Variants in ULK4 observed in about 807,000 individuals in gnomAD.
ULK4 encodes the protein inactive serine/threonine-protein kinase ULK4.
ULK4 carries 133 observed loss-of-function variants against 160.6 expected under a neutral mutation model. That is an observed-to-expected ratio of 0.83 (90% CI 0.72 to 0.96). ULK4 has a LOEUF of 0.96. Ranked by LOEUF, ULK4 falls within the 40% of genes least tolerant of loss-of-function variation. ULK4 has a pLI of 0.00. For synonymous variants in ULK4, 534 were observed against 539.8 expected (o/e 0.99, Z 0.15); for missense variants, 1,580 against 1,499.5 (o/e 1.05, Z -0.89).
chr3:41,605,448 T>TG, intron 31 of ULK4, among the ~76,000 whole-genome samples: 1 of 151,930 alleles, frequency 6.6e-6, no homozygotes, highest in Non-Finnish European at 1.5e-5. Flanking sequence ...AAAGCTGCAG[T>TG]GGTGATATTA....
chr3:41,368,344 C>G (rs952031652), intron 35 of ULK4, among the ~76,000 whole-genome samples: 7 of 152,130 alleles, frequency 4.6e-5, no homozygotes, highest in African/African-American at 1.4e-4. Flanking sequence ...CCACCAAGCC[C>G]GGCCTGTGTT....
chr3:41,477,747 G>A (rs2084187641), intron 32 of ULK4, among the ~76,000 whole-genome samples: 1 of 152,152 alleles, frequency 6.6e-6, no homozygotes, highest in Admixed American at 6.5e-5. Context: ...GTGAACTGTG[G>A]GGTCGCCATG....
intron 19 of ULK4, among the ~76,000 whole-genome samples, chr3:41,817,399 A>T (rs1353287026): frequency 6.6e-6 from 1 of 152,238 alleles, no homozygotes; most frequent in Non-Finnish European, 1.5e-5. Context: ...ATGTGGACAA[A>T]GAAAATGTAG....
intron 22 of ULK4, among the ~76,000 whole-genome samples, chr3:41,750,187 G>T (rs368268922): frequency 6.6e-6 from 1 of 152,248 alleles, no homozygotes; most frequent in Middle Eastern, 3.4e-3. Flanking sequence ...TTTAATAAAC[G>T]GGCACTGCCT....
At chr3:41,279,255 T>TAAAAAAAAAAAAAAAAAAAAAAAAAG (rs771175184) in intron 35 of ULK4, among the ~76,000 whole-genome samples, 2 of 43,054 alleles carry the variant, frequency 4.6e-5, no homozygotes, top group African/African-American at 2.5e-4. Context: ...AAAAAAAGAG[T>TAAAAAAAAAAAAAAAAAAAAAAAAAG]AAAAAAAAAA....
intron 32 of ULK4, among the ~76,000 whole-genome samples, chr3:41,472,443 C>T (rs1002541864): frequency 7.3e-4 from 111 of 152,022 alleles, no homozygotes; most frequent in African/African-American, 2.6e-3. Context: ...GTGGTGCATG[C>T]CTGTAATGCC....
chr3:41,811,117 C>T (rs1048040185), intron 19 of ULK4, among the ~76,000 whole-genome samples: 8 of 152,024 alleles, frequency 5.3e-5, no homozygotes, highest in Non-Finnish European at 2.9e-5. Context: ...GAACTCTTGG[C>T]CTCAAGTGAT....
chr3:41,674,396 T>A (rs2035636486), intron 29 of ULK4, among the ~76,000 whole-genome samples: 1 of 152,208 alleles, frequency 6.6e-6, no homozygotes, highest in African/African-American at 2.4e-5. Context: ...ACACTGCCTC[T>A]TCTCTTCTGC....
chr3:41,429,268 G>T (rs1315927482), intron 34 of ULK4, among the ~76,000 whole-genome samples: 2 of 152,224 alleles, frequency 1.3e-5, no homozygotes, highest in African/African-American at 4.8e-5. Context: ...TAGAGAGGCT[G>T]TGGAGAAAGA....
intron 35 of ULK4, among the ~76,000 whole-genome samples, chr3:41,379,723 A>C (rs987567512): frequency 3.2e-4 from 48 of 152,156 alleles, no homozygotes; most frequent in African/African-American, 1.1e-3. Context: ...CCTACAAGCC[A>C]AAATATTTTT....
intron 30 of ULK4, among the ~76,000 whole-genome samples, chr3:41,632,007 T>C (rs2033767709): frequency 6.6e-6 from 1 of 152,214 alleles, no homozygotes; most frequent in Non-Finnish European, 1.5e-5. Flanking sequence ...CTGAACCTCG[T>C]CGCTCTGCAG....
chr3:41,344,683 GC>G (rs1170621433), intron 35 of ULK4, among the ~76,000 whole-genome samples: 1 of 148,046 alleles, frequency 6.8e-6, no homozygotes, highest in Non-Finnish European at 1.5e-5. Context: ...AACTCGGGGG[GC>G]AAAGGTTGCA....
intron 32 of ULK4, among the ~76,000 whole-genome samples, chr3:41,488,749 A>C (rs965844802): frequency 6.6e-6 from 1 of 152,186 alleles, no homozygotes; most frequent in African/African-American, 2.4e-5. Context: ...ACTTTGAAGA[A>C]AGTTTCAAGT....
chr3:41,335,054 A>G (rs1237135724), intron 35 of ULK4, among the ~76,000 whole-genome samples: 1 of 152,224 alleles, frequency 6.6e-6, no homozygotes, highest in Non-Finnish European at 1.5e-5. Context: ...ATTTACACAA[A>G]TAAGAAAAAC....
At chr3:41,563,830 GTTA>G (rs1189838824) in intron 32 of ULK4, among the ~76,000 whole-genome samples, 5 of 151,516 alleles carry the variant, frequency 3.3e-5, no homozygotes, top group African/African-American at 1.2e-4. Flanking sequence ...GGAGAAGTTT[GTTA>G]TTACCGACCT....
chr3:41,750,103 C>T (rs1415799261), intron 22 of ULK4, among the ~76,000 whole-genome samples: 1 of 152,178 alleles, frequency 6.6e-6, no homozygotes, highest in Non-Finnish European at 1.5e-5. Context: ...AACACCTTGA[C>T]ATCAAGTATG....
In ULK4 at chr3:41,908,571, G is replaced by A. The variant is rs545465534; in HGVS notation, c.1086-630C>T. Among the ~76,000 whole-genome samples the A allele has an allele frequency of 2.0e-4, 31 of 151,918 alleles. No homozygotes were observed. In the East Asian group the frequency reaches 5.9e-3, roughly 29 times the overall value. On this transcript the variant is annotated intron_variant, in intron 11 of 36. Coordinates refer to ENST00000301831, the MANE Select transcript of ULK4 (RefSeq NM_017886.4). The stretch of plus-strand genomic sequence containing the variant: ...AGCAATTCTCGTGCCTTAGCCTCCC[G>A]AGTAGCTGGGATTACAAGTGCCCGC...
At chr3:41,415,103 G>A (rs764701113) in intron 34 of ULK4, among the ~76,000 whole-genome samples, 3 of 152,042 alleles carry the variant, frequency 2.0e-5, no homozygotes, top group Non-Finnish European at 2.9e-5. Context: ...CATTATGAAC[G>A]GACAGTTTCA....
At chr3:41,748,283 T>TTA (rs933077124) in intron 22 of ULK4, among the ~76,000 whole-genome samples, 16 of 150,734 alleles carry the variant, frequency 1.1e-4, no homozygotes, top group Non-Finnish European at 2.1e-4. Flanking sequence ...ACGATATATA[T>TTA]TATATATATA....
Sources: gnomAD v4.1 joint callset for allele counts (sites outside exome capture counted in the v4.1 genomes callset) on GRCh38, gnomAD v4.1.1 for gene constraint, MANE v1.5 for transcripts, NCBI Gene and HGNC (gene_info 2026-07-23, HGNC 2026-07-21) for gene names.